MYO10: variants seen among roughly 807,000 people sequenced by gnomAD.
The protein encoded by MYO10 is unconventional myosin-X.
Under a neutral mutation model 257.3 loss-of-function variants are expected in MYO10, and 133 were observed. The ratio of observed to expected loss-of-function variants is 0.52; its 90% CI spans 0.45 to 0.60. The LOEUF is 0.60. MYO10 is among the 20% of genes least tolerant of loss of function. The pLI is 0.00. For missense variants in MYO10, 2,399 were observed against 2,635.7 expected, an observed-to-expected ratio of 0.91 and a Z score of 1.97; for synonymous variants, 1,104 against 1,028.6, an observed-to-expected ratio of 1.07 and a Z score of -1.40.
At chr5:16,829,282 A>G (rs779941562) in intron 2 of MYO10, among the ~76,000 whole-genome samples, 4 of 152,216 alleles carry the variant, frequency 2.6e-5, no homozygotes, top group East Asian at 1.9e-4. Context: ...TGAAAGGCAC[A>G]TAAGTGGTTA....
chr5:16,704,706 T>A (rs778506795), intron 21 of MYO10, 21 bp from the exon 22 acceptor site: 4 of 1,595,298 alleles, frequency 2.5e-6, no homozygotes, highest in Non-Finnish European at 2.6e-6. Context: ...CGGAGTCACA[T>A]GTCAGAAGCA....
chr5:16,777,839 C>CTTTTTTTTTTTTTTTTT lies in MYO10; in HGVS notation c.930+1689_930+1705dup, dbSNP rs61326508. On this transcript the variant is annotated intron_variant, in intron 9 of 40. Transcript: ENST00000513610. ...GCCACCCTAGGTGCATTGCATCTAA[C>CTTTTTTTTTTTTTTTTT]TTTTTTTTTTTTTTTTTTTTTTTTT... is the stretch of plus-strand genomic sequence containing the variant. Among the ~76,000 whole-genome samples the CTTTTTTTTTTTTTTTTT allele has an allele frequency of 1.2e-4, 11 of 88,472 alleles. 3 individuals carry two copies. Among genetic ancestry groups the CTTTTTTTTTTTTTTTTT allele is most frequent in the African/African-American group, 5.9e-4 (11 of 18,646 alleles). 58.0% of individuals were successfully genotyped at this position (88,472 alleles called of 152,430 possible).
chr5:16,769,294 T>C (rs894959469), intron 9 of MYO10, 91 bp from the exon 10 acceptor site: 16 of 1,354,200 alleles, frequency 1.2e-5, no homozygotes, highest in Non-Finnish European at 1.6e-5. Flanking sequence ...TTACTAGGTG[T>C]TATTGAAAAG....
At chr5:16,913,426 G>T (rs556315982) in intron 1 of MYO10, among the ~76,000 whole-genome samples, 1 of 152,150 alleles carries the variant, frequency 6.6e-6, no homozygotes, top group Admixed American at 6.5e-5. Context: ...TTGTATATAC[G>T]TGTATGGCTG....
chr5:16,825,633 C>T (rs1020717104), intron 2 of MYO10, among the ~76,000 whole-genome samples: 17 of 152,136 alleles, frequency 1.1e-4, no homozygotes, highest in Non-Finnish European at 2.4e-4. Flanking sequence ...CTGGCAGACT[C>T]AACAAATACT....
intron 1 of MYO10, among the ~76,000 whole-genome samples, chr5:16,917,775 G>A (rs559920063): frequency 3.0e-4 from 46 of 152,010 alleles, no homozygotes; most frequent in Non-Finnish European, 5.3e-4. Context: ...TCAAAAGGCC[G>A]AACGGGGGAG....
chr5:16,895,803 C>G (rs547730762), intron 1 of MYO10, among the ~76,000 whole-genome samples: 1 of 147,684 alleles, frequency 6.8e-6, no homozygotes, highest in South Asian at 2.2e-4. Context: ...CACACACACA[C>G]TCTGCCACCT....
chr5:16,686,592 T>C (rs1316629406), intron 28 of MYO10, among the ~76,000 whole-genome samples: 2 of 152,000 alleles, frequency 1.3e-5, no homozygotes, highest in Non-Finnish European at 2.9e-5. Context: ...TGGAGTACAA[T>C]GGCACAATCT....
intron 40 of MYO10, 97 bp downstream of exon 40, chr5:16,668,180 A>C (rs1736264894): frequency 1.5e-6 from 2 of 1,315,326 alleles, no homozygotes; most frequent in Non-Finnish European, 2.1e-6. Flanking sequence ...AAAATATTCA[A>C]AGAAAATGAC....
rs566928631 is a variant in MYO10, at chr5:16,801,584, G to T, written c.280-6751C>A. Among the ~76,000 whole-genome samples the T allele has an allele frequency of 4.6e-5, 7 of 152,180 alleles. No homozygotes were observed. The South Asian group carries it at 1.5e-3, about 32-fold the overall frequency. On this transcript the variant is annotated intron_variant, in intron 3 of 40. Coordinates refer to ENST00000513610, the MANE Select transcript of MYO10 (RefSeq NM_012334.3). ...TAAGAATGTAGGTGCTACTGCTGTGGTCCTTCTCGTTTTGTGATTCATATT... is the reference window on the plus strand; with the variant it reads ...TAAGAATGTAGGTGCTACTGCTGTGTTCCTTCTCGTTTTGTGATTCATATT...
intron 4 of MYO10, among the ~76,000 whole-genome samples, chr5:16,785,743 G>A (rs1204058752): frequency 2.0e-5 from 3 of 152,118 alleles, no homozygotes; most frequent in African/African-American, 4.8e-5. Flanking sequence ...GGTGGCGCAC[G>A]TCTGTAATCC....
At chr5:16,718,384 C>T (rs1490038392) in intron 19 of MYO10, among the ~76,000 whole-genome samples, 2 of 152,256 alleles carry the variant, frequency 1.3e-5, no homozygotes, top group African/African-American at 2.4e-5. Context: ...AGCCCTGGTG[C>T]GGGATCCACT....
At chr5:16,834,096 A>G (rs992729948) in intron 2 of MYO10, among the ~76,000 whole-genome samples, 9 of 151,718 alleles carry the variant, frequency 5.9e-5, no homozygotes, top group African/African-American at 2.2e-4. Context: ...GTAAGGGTTA[A>G]CTCTCCTGGG....
intron 35 of MYO10, 38 bp from the exon 36 acceptor site, chr5:16,673,927 T>G (rs1283217132): frequency 1.3e-6 from 2 of 1,591,582 alleles, no homozygotes; most frequent in Non-Finnish European, 1.7e-6. Context: ...TTTAGACTGA[T>G]GGGGGCTGGC....
intron 19 of MYO10, among the ~76,000 whole-genome samples, chr5:16,718,473 C>T (rs994550825): frequency 6.6e-6 from 1 of 152,240 alleles, no homozygotes; most frequent in African/African-American, 2.4e-5. Context: ...GTAAATACAC[C>T]AATCAGCACC....
At chr5:16,911,067 C>G (rs950579010) in intron 1 of MYO10, among the ~76,000 whole-genome samples, 5 of 152,084 alleles carry the variant, frequency 3.3e-5, no homozygotes, top group Non-Finnish European at 5.9e-5. Flanking sequence ...AAAGAATGGG[C>G]CAGGCCAAGA....
At chr5:16,842,888 C>T (rs1173097878) in intron 2 of MYO10, among the ~76,000 whole-genome samples, 1 of 149,058 alleles carries the variant, frequency 6.7e-6, no homozygotes, top group South Asian at 2.1e-4. Context: ...AGTGAGACCC[C>T]GTCTCTACTA....
intron 3 of MYO10, 121 bp downstream of exon 3, chr5:16,817,888 A>T: frequency 1.1e-6 from 1 of 941,406 alleles, no homozygotes; most frequent in Non-Finnish European, 1.4e-6. Flanking sequence ...AATCCCTTGA[A>T]AACATAATTT....
At chr5:16,744,805 C>T (rs992447629) in intron 19 of MYO10, among the ~76,000 whole-genome samples, 8 of 152,084 alleles carry the variant, frequency 5.3e-5, no homozygotes, top group African/African-American at 1.4e-4. Flanking sequence ...AAATCCTAAT[C>T]GCCCACAAGA....
Sources: allele counts gnomAD v4.1 joint callset (sites outside exome capture counted in the v4.1 genomes callset), GRCh38; gene constraint gnomAD v4.1.1; transcripts MANE v1.5; gene names NCBI Gene and HGNC (gene_info 2026-07-23, HGNC 2026-07-21).